Variants in CABP1 observed in about 807,000 individuals in gnomAD.
CABP1 encodes the protein calcium binding protein 1.
Under a neutral mutation model 34.3 loss-of-function variants are expected in CABP1, and 17 were observed. That is an observed-to-expected ratio of 0.50 (90% CI 0.34 to 0.74). CABP1 has a LOEUF of 0.74. Ranked by LOEUF, CABP1 falls within the 30% of genes least tolerant of loss-of-function variation. The pLI is 0.01. For synonymous variants in CABP1, 198 were observed against 229.2 expected, an observed-to-expected ratio of 0.86 and a Z score of 1.23; for missense variants, 373 against 511.1, an observed-to-expected ratio of 0.73 and a Z score of 2.61.
downstream of CABP1, among the ~76,000 whole-genome samples, chr12:120,669,033 C>T (rs1881154630): frequency 6.6e-6 from 1 of 151,910 alleles, no homozygotes; most frequent in Admixed American, 6.6e-5. Flanking sequence ...CTGAATAGCA[C>T]TGCTGTAAAC....
downstream of CABP1, among the ~76,000 whole-genome samples, chr12:120,670,757 A>G (rs1462860730): frequency 6.6e-6 from 1 of 152,128 alleles, no homozygotes; most frequent in African/African-American, 2.4e-5. Context: ...CGAAAACCAA[A>G]AAGAAAAGCT....
rs117649554 is a variant in CABP1 at position 120,641,350 on chromosome 12, C to T, written c.654+11C>T. The T allele has an allele frequency of 0.046, 58,795 of 1,270,630 alleles. 1,626 individuals carry two copies. The highest frequency in any genetic ancestry group is 0.11 in the South Asian group (4,191 of 36,636). 78.7% of individuals were successfully genotyped at this position (1,270,630 alleles called of 1,614,324 possible). On this transcript the variant is annotated intron_variant, in intron 1 of 5. Coordinates refer to ENST00000316803, the MANE Select transcript of CABP1 (RefSeq NM_001033677.2). This position sits in a 1 kb window ranked among gnomAD's most constrained non-coding sequence, Gnocchi z 6.7. ...TCCGCCTTTGGCCAGGTAAGGGCCG[C>T]GCCTCCCGTCAGCGCTCCCGGGAAA...
At chr12:120,677,915 G>A in the CABP1 span, among the ~76,000 whole-genome samples, 2 of 152,172 alleles carry the variant, frequency 1.3e-5, no homozygotes, top group South Asian at 4.1e-4. Flanking sequence ...ATCCTCTTGG[G>A]GGACATGAAG....
In CABP1 at chr12:120,641,156, G is replaced by T. The variant is rs1879301178; in HGVS notation, c.471G>T (p.Ser157=). The T allele has an allele frequency of 8.1e-7, 1 of 1,236,146 alleles. No homozygotes were observed. The highest frequency in any genetic ancestry group is 1.0e-6 in the Non-Finnish European group (1 of 992,122). The allele number at this position is 1,236,146 out of a possible 1,614,324, so 76.6% of individuals were successfully genotyped here. A position where few individuals can be genotyped will look rare whatever the true frequency, so the allele number is the denominator to read the frequency against. ...TGCCGGCCGCGGCGTCCCGACCTTCGCCGTCGTCGCCGCTGCCGCCGGCCC... is the reference window on the plus strand; with the variant it reads ...TGCCGGCCGCGGCGTCCCGACCTTCTCCGTCGTCGCCGCTGCCGCCGGCCC... ...EALPAAASRP[S]PSSPLPPARG... The change falls in exon 1 of 6, where the codon TCG becomes TCT. Residue 157 remains serine, a synonymous_variant. Coordinates refer to ENST00000316803, the MANE Select transcript of CABP1 (RefSeq NM_001033677.2). The surrounding 1 kb of genome is among the most constrained non-coding windows in gnomAD (Gnocchi z 6.7).
chr12:120,671,509 G>C (rs946507967), downstream of CABP1, among the ~76,000 whole-genome samples: 2 of 152,256 alleles, frequency 1.3e-5, no homozygotes, highest in African/African-American at 4.8e-5. Context: ...GGGCTGGAGA[G>C]AGGAGCAGAG....
At chr12:120,664,510 T>C (rs921317866) in intron 5 of CABP1, among the ~76,000 whole-genome samples, 8 of 152,196 alleles carry the variant, frequency 5.3e-5, no homozygotes, top group Non-Finnish European at 8.8e-5. Context: ...AACCAAGGTG[T>C]CCTTTCAGTA....
At chr12:120,663,315 C>T (rs1880772512) in intron 5 of CABP1, among the ~76,000 whole-genome samples, 2 of 151,982 alleles carry the variant, frequency 1.3e-5, no homozygotes. Flanking sequence ...TGCTCTGTCG[C>T]CCAGGCTGGA....
Position 120,641,374 on chromosome 12 carries a change from A to C in CABP1, c.654+35A>C. ...GCGCCTCCCGTCAGCGCTCCCGGGA[A>C]AGGCGCTCGGGACCCTGCCGGCCGC... On this transcript the variant is annotated intron_variant, in intron 1 of 5. Coordinates refer to ENST00000316803, the MANE Select transcript of CABP1 (RefSeq NM_001033677.2). The surrounding 1 kb of genome is among the most constrained non-coding windows in gnomAD (Gnocchi z 6.7). The C allele has an allele frequency of 8.0e-7, 1 of 1,254,280 alleles. No homozygotes were observed. The highest frequency in any genetic ancestry group is 1.0e-6 in the Non-Finnish European group (1 of 998,914). The allele number at this position is 1,254,280 out of a possible 1,614,324, so 77.7% of individuals were successfully genotyped here. A position where few individuals can be genotyped will look rare whatever the true frequency, so the allele number is the denominator to read the frequency against.
rs1158130930 is a variant in CABP1 at position 120,650,436 on chromosome 12, A to C, written c.654+9097A>C. ...ACAAACACACACACAATCCACCCAAAAAAAAAAAAAATCGGAGAGCAGGAG... is the reference window on the plus strand; with the variant it reads ...ACAAACACACACACAATCCACCCAACAAAAAAAAAAATCGGAGAGCAGGAG... On this transcript the variant is annotated intron_variant, in intron 1 of 5. Transcript: ENST00000316803. The C allele has an allele frequency of 5.5e-6, 7 of 1,268,860 alleles. No individual in the cohort carries two copies. The East Asian group carries it at 1.5e-4, about 28-fold the overall frequency. The allele number at this position is 1,268,860 out of a possible 1,614,324, so 78.6% of individuals were successfully genotyped here.
chr12:120,655,521 C>A, intron 1 of CABP1: 1 of 1,158,608 alleles, frequency 8.6e-7, no homozygotes, highest in Non-Finnish European at 1.1e-6. Flanking sequence ...ATGGCACCTG[C>A]ATGTGCAACC....
chr12:120,657,093 C>T (rs955420185), intron 1 of CABP1, among the ~76,000 whole-genome samples: 7 of 152,200 alleles, frequency 4.6e-5, no homozygotes, highest in East Asian at 3.9e-4. Context: ...CCGTGCTGTC[C>T]GATACAGTAG....
intron 1 of CABP1, among the ~76,000 whole-genome samples, chr12:120,643,052 A>C (rs1044318572): frequency 2.2e-4 from 32 of 145,754 alleles, no homozygotes; most frequent in African/African-American, 6.9e-4. Flanking sequence ...TGCCTACATG[A>C]GCCCTTTCTG....
At chr12:120,668,702 A>G (rs1456955976), downstream of CABP1, among the ~76,000 whole-genome samples, 2 of 152,248 alleles carry the variant, frequency 1.3e-5, no homozygotes, top group Admixed American at 1.3e-4. Flanking sequence ...CAGTGGAATC[A>G]TGCAATTGAA....
At chr12:120,659,754 C>A in intron 1 of CABP1, 124 bp from the exon 2 acceptor site, 1 of 800,854 alleles carries the variant, frequency 1.2e-6, no homozygotes. Context: ...TCCAGGCACA[C>A]CTGTGCTGCA....
At chr12:120,648,234 C>T (rs1055975764) in intron 1 of CABP1, among the ~76,000 whole-genome samples, 3 of 152,194 alleles carry the variant, frequency 2.0e-5, no homozygotes, top group Non-Finnish European at 4.4e-5. Flanking sequence ...AGATTCCCCT[C>T]ACTCACATTC....
At position 120,640,799 on chromosome 12, in the gene CABP1, C is replaced by T. The variant is rs1424800586; in HGVS notation, c.114C>T (p.Pro38=). The T allele has an allele frequency of 5.4e-6, 6 of 1,103,714 alleles. No homozygotes were observed. In the Admixed American group the frequency reaches 1.5e-4, roughly 28 times the overall value. 68.4% of individuals were successfully genotyped at this position (1,103,714 alleles called of 1,614,324 possible). The part of the protein sequence containing the change: ...REPRSLPAGG[P]APRRTAPPPP... ...CCCGTTCTCTGCCCGCCGGGGGCCC[C>T]GCGCCGCGCCGCACCGCGCCGCCCC... The change falls in exon 1 of 6, where the codon CCC becomes CCT. Residue 38 remains proline, a synonymous_variant. Transcript: ENST00000316803. The surrounding 1 kb of genome is among the most constrained non-coding windows in gnomAD (Gnocchi z 6.2).
chr12:120,660,734 G>A lies in CABP1; in HGVS notation c.833G>A (p.Gly278Asp). 1.2e-6 allele frequency: 2 copies of A among 1,609,792 alleles called. No individual in the cohort carries two copies. Among genetic ancestry groups the A allele is most frequent in the Non-Finnish European group, 1.7e-6 (2 of 1,176,130 alleles). The change falls in exon 4 of 6, where the codon GGT becomes GAT. Residue 278 changes from glycine to aspartate, a missense_variant. This residue lies in a region of CABP1 where 109 missense variants were observed against 204.8 expected (regional missense o/e 0.53). Transcript: ENST00000316803. The surrounding 1 kb of genome is among the most constrained non-coding windows in gnomAD (Gnocchi z 5.0). ...TAGCCCTTTCCTCCTTTTCCAGTGGGTGGCCATGTAGATTTTGATGACTTC... is the reference window on the plus strand; with the variant it reads ...TAGCCCTTTCCTCCTTTTCCAGTGGATGGCCATGTAGATTTTGATGACTTC... ...ELSQQINMNL[G>D]GHVDFDDFVE...
chr12:120,676,510 C>T, the CABP1 span, among the ~76,000 whole-genome samples: 2 of 152,146 alleles, frequency 1.3e-5, no homozygotes, highest in East Asian at 3.9e-4. Context: ...TCATCACAAC[C>T]TCCGCCTCCC....
At chr12:120,642,523 C>T (rs974463057) in intron 1 of CABP1, among the ~76,000 whole-genome samples, 1 of 152,128 alleles carries the variant, frequency 6.6e-6, no homozygotes, top group Non-Finnish European at 1.5e-5. Flanking sequence ...TGTGGTGGGG[C>T]CATAGGGCAG....
Sources: allele counts gnomAD v4.1 joint callset (sites outside exome capture counted in the v4.1 genomes callset), GRCh38; gene constraint gnomAD v4.1.1; regional missense constraint gnomAD v4.1.1; non-coding constraint Gnocchi (gnomAD v3.1); transcripts MANE v1.5; gene names NCBI Gene and HGNC (gene_info 2026-07-23, HGNC 2026-07-21).